CTNNA3: variants seen among roughly 807,000 people sequenced by gnomAD.
CTNNA3 encodes the protein catenin alpha-3.
A neutral mutation model predicts 95.7 loss-of-function variants in CTNNA3; 76 were observed. That is an observed-to-expected ratio of 0.79 (90% CI 0.66 to 0.96). The LOEUF (loss-of-function observed/expected upper bound fraction) is 0.96, where lower values mean the gene tolerates loss of function less well. CTNNA3 is among the 40% of genes least tolerant of loss of function. The pLI, the probability that CTNNA3 is intolerant of heterozygous loss-of-function variation, is 0.00. For missense variants in CTNNA3, 1,191 were observed against 1,089.8 expected, an observed-to-expected ratio of 1.09 and a Z score of -1.31; for synonymous variants, 431 against 374.4, an observed-to-expected ratio of 1.15 and a Z score of -1.74.
chr10:66,370,331 A>G (rs1490711782), intron 12 of CTNNA3, among the ~76,000 whole-genome samples: 1 of 152,172 alleles, frequency 6.6e-6, no homozygotes, highest in Non-Finnish European at 1.5e-5. Context: ...TACTTGCAAC[A>G]ACTGAAGGGA....
intron 13 of CTNNA3, among the ~76,000 whole-genome samples, chr10:66,159,638 T>A (rs2133930009): frequency 6.6e-6 from 1 of 150,550 alleles, no homozygotes; most frequent in African/African-American, 2.4e-5. Flanking sequence ...TTTTTTTTTT[T>A]TTTTTGGTTA....
intron 7 of CTNNA3, among the ~76,000 whole-genome samples, chr10:67,022,019 C>T (rs1853049036): frequency 6.6e-6 from 1 of 152,154 alleles, no homozygotes; most frequent in Non-Finnish European, 1.5e-5. Flanking sequence ...TCGCAATAGA[C>T]CTTTCCTACG....
intron 7 of CTNNA3, among the ~76,000 whole-genome samples, chr10:67,006,101 CA>C (rs1451455444): frequency 6.6e-6 from 1 of 152,088 alleles, no homozygotes; most frequent in Non-Finnish European, 1.5e-5. Flanking sequence ...AGGTACTTTA[CA>C]AACAACTTTG....
intron 5 of CTNNA3, among the ~76,000 whole-genome samples, chr10:67,268,315 A>AAATT (rs1866911561): frequency 6.9e-6 from 1 of 144,280 alleles, no homozygotes; most frequent in Non-Finnish European, 1.5e-5. Flanking sequence ...AAAATAAATT[A>AAATT]AATTAAATTA....
chr10:67,760,530 G>T (rs1279633619), intron 1 of CTNNA3, among the ~76,000 whole-genome samples: 1 of 152,150 alleles, frequency 6.6e-6, no homozygotes, highest in Non-Finnish European at 1.5e-5. Context: ...AACCTAGATG[G>T]TATGGACTAC....
chr10:66,738,790 C>T (rs1005126174), intron 9 of CTNNA3, among the ~76,000 whole-genome samples: 1 of 152,168 alleles, frequency 6.6e-6, no homozygotes, highest in Non-Finnish European at 1.5e-5. Flanking sequence ...TTCCCTAATC[C>T]TTGCAGTAAA....
At chr10:66,446,520 A>T (rs2093422568) in intron 11 of CTNNA3, among the ~76,000 whole-genome samples, 2 of 151,146 alleles carry the variant, frequency 1.3e-5, no homozygotes, top group South Asian at 4.1e-4. Context: ...CTGGTTTAAC[A>T]TTCACAAATC....
chr10:67,234,094 A>T (rs1174326663), intron 5 of CTNNA3, among the ~76,000 whole-genome samples: 1 of 152,180 alleles, frequency 6.6e-6, no homozygotes, highest in African/African-American at 2.4e-5. Context: ...ACAAGGAGGA[A>T]CTGGTACCAT....
intron 11 of CTNNA3, among the ~76,000 whole-genome samples, chr10:66,427,185 G>A (rs1479914718): frequency 6.6e-6 from 1 of 151,964 alleles, no homozygotes; most frequent in South Asian, 2.1e-4. Context: ...CCATAACTGA[G>A]AAAATTTTGA....
chr10:66,008,112 T>A (rs1373834263), intron 15 of CTNNA3, among the ~76,000 whole-genome samples: 4 of 152,150 alleles, frequency 2.6e-5, no homozygotes, highest in African/African-American at 7.2e-5. Context: ...TGCCTAGAAC[T>A]GCTCCCCAAA....
intron 7 of CTNNA3, among the ~76,000 whole-genome samples, chr10:67,038,416 C>T (rs1039790954): frequency 1.7e-4 from 26 of 151,870 alleles, no homozygotes; most frequent in Admixed American, 7.2e-4. Flanking sequence ...AACAAAAATA[C>T]GTACTATAAG....
intron 5 of CTNNA3, among the ~76,000 whole-genome samples, chr10:67,458,050 A>G (rs943881614): frequency 1.3e-5 from 2 of 152,168 alleles, no homozygotes; most frequent in Admixed American, 6.6e-5. Context: ...ATCATCATAT[A>G]GAGTGTGAGA....
intron 1 of CTNNA3, among the ~76,000 whole-genome samples, chr10:67,679,642 T>C (rs1042713666): frequency 1.3e-5 from 2 of 152,216 alleles, no homozygotes; most frequent in African/African-American, 4.8e-5. Flanking sequence ...CATAGTAAAC[T>C]AACTTAATTT....
intron 15 of CTNNA3, among the ~76,000 whole-genome samples, chr10:65,993,692 T>C (rs1448906928): frequency 6.6e-6 from 1 of 151,928 alleles, no homozygotes; most frequent in East Asian, 1.9e-4. Context: ...TGGTCCTTGC[T>C]TTTGGTTTTG....
intron 7 of CTNNA3, among the ~76,000 whole-genome samples, chr10:67,042,238 T>C (rs1027854341): frequency 6.6e-6 from 1 of 152,040 alleles, no homozygotes; most frequent in African/African-American, 2.4e-5. Flanking sequence ...GGATGAGCAA[T>C]GGAAGCCTGA....
At chr10:66,250,531 G>T (rs553242335) in intron 13 of CTNNA3, among the ~76,000 whole-genome samples, 2 of 152,160 alleles carry the variant, frequency 1.3e-5, no homozygotes, top group East Asian at 3.9e-4. Context: ...TATCTCATGT[G>T]CCCTATATAT....
chr10:66,026,352 A>G (rs1323145116), intron 15 of CTNNA3, among the ~76,000 whole-genome samples: 2 of 152,154 alleles, frequency 1.3e-5, no homozygotes, highest in Admixed American at 6.5e-5. Context: ...CAATGTTTTC[A>G]TTGAACTGAG....
intron 15 of CTNNA3, among the ~76,000 whole-genome samples, chr10:66,008,966 G>T (rs567394725): frequency 6.6e-6 from 1 of 152,168 alleles, no homozygotes; most frequent in South Asian, 2.1e-4. Flanking sequence ...CGTATGTAGT[G>T]GCACGCACCT....
chr10:67,365,987 C>A (rs1224052741), intron 5 of CTNNA3, among the ~76,000 whole-genome samples: 1 of 152,188 alleles, frequency 6.6e-6, no homozygotes, highest in Non-Finnish European at 1.5e-5. Context: ...AAATGTCCAA[C>A]AATGATAGAC....
Sources: gnomAD v4.1 joint callset for allele counts (sites outside exome capture counted in the v4.1 genomes callset) on GRCh38, gnomAD v4.1.1 for gene constraint, MANE v1.5 for transcripts, NCBI Gene and HGNC (gene_info 2026-07-23, HGNC 2026-07-21) for gene names.